SCHIP1: variants seen among roughly 807,000 people sequenced by gnomAD.
The protein encoded by SCHIP1 is schwannomin-interacting protein 1.
A neutral mutation model predicts 29.7 loss-of-function variants in SCHIP1; 8 were observed. The observed-to-expected ratio is 0.27, with a 90% confidence interval of 0.16 to 0.49. The LOEUF (loss-of-function observed/expected upper bound fraction) is 0.49, where lower values mean the gene tolerates loss of function less well. Among genes scored for constraint, SCHIP1 ranks in the 20% least tolerant of loss-of-function variants. SCHIP1 has a pLI of 0.99. For synonymous variants in SCHIP1, 76 were observed against 94.9 expected, an observed-to-expected ratio of 0.80 and a Z score of 1.16; for missense variants, 193 against 294.6, an observed-to-expected ratio of 0.66 and a Z score of 2.52.
chr3:159,300,523 C>T, the SCHIP1 span, among the ~76,000 whole-genome samples: 1 of 152,146 alleles, frequency 6.6e-6, no homozygotes, highest in Non-Finnish European at 1.5e-5. Flanking sequence ...CTCTTCTGCT[C>T]CTCTCCTGCA....
the SCHIP1 span, among the ~76,000 whole-genome samples, chr3:159,505,685 T>C: frequency 6.6e-5 from 10 of 151,372 alleles, no homozygotes; most frequent in Admixed American, 5.3e-4. Context: ...AGTGTTCTCA[T>C]TGTTCGATTC....
At chr3:159,380,037 G>C in the SCHIP1 span, among the ~76,000 whole-genome samples, 321 of 152,180 alleles carry the variant, frequency 2.1e-3, no homozygotes, top group African/African-American at 7.1e-3. Context: ...TTTTAACTAA[G>C]ATCCAAATGT....
the SCHIP1 span, among the ~76,000 whole-genome samples, chr3:159,540,466 A>T: frequency 5.3e-5 from 8 of 152,102 alleles, no homozygotes; most frequent in Non-Finnish European, 1.2e-4. Context: ...TTTTAACCCC[A>T]TATGAATCTT....
intron 6 of SCHIP1, chr3:159,894,708 G>GT (rs1553801260): frequency 2.1e-5 from 3 of 142,804 alleles, no homozygotes; most frequent in Non-Finnish European, 4.6e-5. Context: ...AGCAATTGTT[G>GT]TTTTAAAAAA....
the SCHIP1 span, among the ~76,000 whole-genome samples, chr3:159,766,753 T>G: frequency 1.3e-5 from 2 of 152,256 alleles, no homozygotes; most frequent in South Asian, 4.2e-4. Context: ...AGTGCTGTAG[T>G]TACACATCAG....
At chr3:159,458,527 CAGTT>C in the SCHIP1 span, among the ~76,000 whole-genome samples, 1 of 151,374 alleles carries the variant, frequency 6.6e-6, no homozygotes, top group East Asian at 1.9e-4. Flanking sequence ...AAAAGTTACA[CAGTT>C]AGTTCAGCCT....
chr3:159,600,722 G>A, the SCHIP1 span, among the ~76,000 whole-genome samples: 1 of 152,058 alleles, frequency 6.6e-6, no homozygotes, highest in African/African-American at 2.4e-5. Context: ...TTCTTTGAAG[G>A]TGTCATATTT....
chr3:159,632,177 C>A, the SCHIP1 span, among the ~76,000 whole-genome samples: 1 of 152,124 alleles, frequency 6.6e-6, no homozygotes, highest in Admixed American at 6.5e-5. Context: ...GGCTATGTGT[C>A]GTCTTGCCCT....
the SCHIP1 span, among the ~76,000 whole-genome samples, chr3:159,709,452 GA>G: frequency 4.9e-3 from 739 of 152,010 alleles, 10 homozygotes; most frequent in Admixed American, 0.022. Context: ...ATAAAAAAAG[GA>G]AAAAAAGGTT....
At chr3:159,826,246 C>T in the SCHIP1 span, among the ~76,000 whole-genome samples, 1 of 152,124 alleles carries the variant, frequency 6.6e-6, no homozygotes, top group East Asian at 1.9e-4. Context: ...ATGAAACCAT[C>T]AAAATGATCG....
chr3:159,301,318 A>T, the SCHIP1 span, among the ~76,000 whole-genome samples: 3 of 152,166 alleles, frequency 2.0e-5, no homozygotes, highest in African/African-American at 7.2e-5. Flanking sequence ...CCATGCTCCT[A>T]ACTGTTACTC....
At chr3:159,605,771 G>A in the SCHIP1 span, among the ~76,000 whole-genome samples, 19 of 152,256 alleles carry the variant, frequency 1.2e-4, no homozygotes, top group Non-Finnish European at 2.4e-4. Flanking sequence ...AACAATTCTT[G>A]TCAACTCTGA....
the SCHIP1 span, among the ~76,000 whole-genome samples, chr3:159,732,810 C>T: frequency 6.6e-6 from 1 of 152,224 alleles, no homozygotes; most frequent in South Asian, 2.1e-4. Flanking sequence ...AATACTGCTT[C>T]TGCAAGTGCT....
chr3:159,791,993 A>G, the SCHIP1 span, among the ~76,000 whole-genome samples: 4 of 152,088 alleles, frequency 2.6e-5, no homozygotes, highest in African/African-American at 9.7e-5. Context: ...GTCATGTTCT[A>G]TTTGGGGTAT....
At chr3:159,476,776 A>C in the SCHIP1 span, among the ~76,000 whole-genome samples, 1 of 152,170 alleles carries the variant, frequency 6.6e-6, no homozygotes, top group Non-Finnish European at 1.5e-5. Context: ...CCTAATTAAC[A>C]TATATACCCT....
chr3:159,771,884 G>A, the SCHIP1 span, among the ~76,000 whole-genome samples: 2 of 152,078 alleles, frequency 1.3e-5, no homozygotes, highest in Admixed American at 1.3e-4. Flanking sequence ...CTACCAATTA[G>A]TTTGTACATA....
At chr3:159,343,899 T>A in the SCHIP1 span, among the ~76,000 whole-genome samples, 1 of 152,186 alleles carries the variant, frequency 6.6e-6, no homozygotes, top group Non-Finnish European at 1.5e-5. Flanking sequence ...TCTGTTTTTA[T>A]GGATAATATT....
chr3:159,714,818 G>A, the SCHIP1 span, among the ~76,000 whole-genome samples: 2 of 152,248 alleles, frequency 1.3e-5, no homozygotes, highest in African/African-American at 4.8e-5. Context: ...ACCTCTGGGA[G>A]CAGGGCATAG....
At chr3:159,681,960 G>A in the SCHIP1 span, among the ~76,000 whole-genome samples, 4 of 152,002 alleles carry the variant, frequency 2.6e-5, no homozygotes, top group East Asian at 7.7e-4. Context: ...GTTAACTTAG[G>A]TTAGCTTGGG....
Sources: allele counts gnomAD v4.1 joint callset (sites outside exome capture counted in the v4.1 genomes callset), GRCh38; gene constraint gnomAD v4.1.1; transcripts MANE v1.5; gene names NCBI Gene and HGNC (gene_info 2026-07-23, HGNC 2026-07-21).